COPG2: variants seen among roughly 807,000 people sequenced by gnomAD.
The protein encoded by COPG2 is coat protein complex I subunit gamma 2.
In COPG2, 37 loss-of-function variants were observed where a neutral mutation model predicts 46.3. The observed-to-expected ratio is 0.80, with a 90% CI of 0.61 to 1.05. The LOEUF is 1.05. Among genes scored for constraint, COPG2 ranks in the 50% least tolerant of loss-of-function variants. The pLI is 0.00. For synonymous variants in COPG2, 159 were observed against 129.7 expected (o/e 1.23, Z -1.53); for missense variants, 427 against 387.8 (o/e 1.10, Z -0.85).
In COPG2 at chr7:130,506,896, C is replaced by T. The variant is rs1799503175; in HGVS notation, c.2486-90G>A. On this transcript the variant is annotated intron_variant, in intron 23 of 23. Transcript: ENST00000425248. ...ATCATGCTATCCCTGCATCTCCTTT[C>T]TATTAGTTTAGTTTAGCTTTTCCAG... 5 of 645,584 alleles carry T rather than the reference C, an allele frequency of 7.7e-6. No homozygotes were observed. The South Asian group carries it at 9.7e-5, about 12-fold the overall frequency. 40.0% of individuals were successfully genotyped at this position (645,584 alleles called of 1,614,324 possible).
At chr7:130,668,551 G>C (rs1796150152) in intron 1 of COPG2, 81 bp downstream of exon 1, 1 of 1,363,772 alleles carries the variant, frequency 7.3e-7, no homozygotes, top group Non-Finnish European at 9.8e-7. Flanking sequence ...CCCCAGCCCC[G>C]CCGGCCTGAA....
intron 4 of COPG2, among the ~76,000 whole-genome samples, chr7:130,658,201 C>T (rs290792): frequency 0.013 from 1,956 of 152,048 alleles, 40 homozygotes; most frequent in African/African-American, 0.045. Context: ...TGGAATACGA[C>T]GACAAAATAA....
At chr7:130,601,580 G>A (rs1460505482) in intron 9 of COPG2, among the ~76,000 whole-genome samples, 5 of 151,986 alleles carry the variant, frequency 3.3e-5, no homozygotes, top group East Asian at 1.9e-4. Context: ...ACCAAATACC[G>A]CACATGTTCT....
At chr7:130,588,005 C>T (rs1336384639) in intron 9 of COPG2, among the ~76,000 whole-genome samples, 1 of 152,080 alleles carries the variant, frequency 6.6e-6, no homozygotes, top group Admixed American at 6.5e-5. Context: ...AGACACTTCT[C>T]AAAAGAAGAC....
chr7:130,610,413 A>G, intron 9 of COPG2: 1 of 390,214 alleles, frequency 2.6e-6, no homozygotes. Context: ...TCTTTGTTTT[A>G]GAGCTCAGCC....
At chr7:130,582,113 T>G (rs1794158581) in intron 9 of COPG2, among the ~76,000 whole-genome samples, 2 of 148,826 alleles carry the variant, frequency 1.3e-5, no homozygotes, top group Non-Finnish European at 3.0e-5. Flanking sequence ...AAGGCTACAG[T>G]AACCAAAACA....
Position 130,506,488 on chromosome 7 carries a change from A to G in COPG2, c.*188T>C, listed in dbSNP as rs564333410. On this transcript the variant is annotated 3_prime_UTR_variant, in exon 24 of 24. Transcript: ENST00000425248. ...AGCTGACCAAGTAGAATAAAAAGAA[A>G]AAAAAAAAAAAACAACCCATGCGCA... 5.0e-4 allele frequency: 197 copies of G among 396,804 alleles called. No individual in the cohort carries two copies. The highest frequency in any genetic ancestry group is 4.7e-3 in the Middle Eastern group (7 of 1,488). 24.6% of individuals were successfully genotyped at this position (396,804 alleles called of 1,614,324 possible). A position where few individuals can be genotyped will look rare whatever the true frequency, so the allele number is the denominator to read the frequency against.
chr7:130,523,845 G>A (rs1799749473), intron 20 of COPG2, among the ~76,000 whole-genome samples: 1 of 152,066 alleles, frequency 6.6e-6, no homozygotes, highest in South Asian at 2.1e-4. Context: ...CGGTGCTAAG[G>A]AGGGAGGAGG....
rs529898238 is a variant in COPG2, at chr7:130,632,995, T to C, written c.324-15930A>G. ...CACCTATGAGTGAGAACATGCAGTGTTTGGTTTTCTGTTCCCGTGTTAGTT... is the reference window on the plus strand; with the variant it reads ...CACCTATGAGTGAGAACATGCAGTGCTTGGTTTTCTGTTCCCGTGTTAGTT... On this transcript the variant is annotated intron_variant, in intron 5 of 23. Transcript: ENST00000425248. Among the ~76,000 whole-genome samples the C allele has an allele frequency of 2.2e-4, 33 of 152,230 alleles. No homozygotes were observed. The South Asian group carries it at 6.4e-3, about 30-fold the overall frequency.
chr7:130,584,208 A>T (rs567649116), intron 9 of COPG2, among the ~76,000 whole-genome samples: 1 of 152,126 alleles, frequency 6.6e-6, no homozygotes, highest in South Asian at 2.1e-4. Flanking sequence ...AAAAACAAAA[A>T]TCACATGATC....
chr7:130,655,048 T>C (rs1795823197), intron 4 of COPG2, among the ~76,000 whole-genome samples: 1 of 152,208 alleles, frequency 6.6e-6, no homozygotes. Flanking sequence ...AATGACATCA[T>C]CTGCTCATTC....
At chr7:130,606,590 G>C (rs554943872) in intron 9 of COPG2, among the ~76,000 whole-genome samples, 53 of 152,272 alleles carry the variant, frequency 3.5e-4, no homozygotes, top group East Asian at 1.3e-3. Context: ...CGATGAAGTT[G>C]GATATTTACT....
chr7:130,537,250 A>G (rs1245545784), intron 20 of COPG2, among the ~76,000 whole-genome samples: 1 of 151,600 alleles, frequency 6.6e-6, no homozygotes, highest in East Asian at 1.9e-4. Flanking sequence ...AGGAAGGTTT[A>G]GGGGAGTCAG....
intron 9 of COPG2, among the ~76,000 whole-genome samples, chr7:130,567,295 C>T (rs1192424624): frequency 6.6e-6 from 1 of 152,070 alleles, no homozygotes; most frequent in Non-Finnish European, 1.5e-5. Context: ...CTGGGTGGTA[C>T]CAAGAAGTTT....
At chr7:130,542,008 G>T (rs1270131186) in intron 20 of COPG2, among the ~76,000 whole-genome samples, 8 of 125,400 alleles carry the variant, frequency 6.4e-5, no homozygotes, top group Non-Finnish European at 1.2e-4. Flanking sequence ...TGAGTTTGCA[G>T]CATATGGGAG....
In COPG2 at chr7:130,626,187, T is replaced by C. The variant is rs117948936; in HGVS notation, c.324-9122A>G. Reference sequence around the variant, plus strand: ...ACTACAGTCATCTTGCAGTGCTATATAGTCTATAGATTCTGATATGTAGTT... The same window carrying C: ...ACTACAGTCATCTTGCAGTGCTATACAGTCTATAGATTCTGATATGTAGTT... On this transcript the variant is annotated intron_variant, in intron 5 of 23. Coordinates refer to ENST00000425248, the MANE Select transcript of COPG2 (RefSeq NM_012133.6). Among the ~76,000 whole-genome samples the C allele has an allele frequency of 9.5e-3, 1,442 of 152,266 alleles. 16 individuals are homozygous for C. The highest frequency in any genetic ancestry group is 0.016 in the Non-Finnish European group (1,061 of 68,000).
At chr7:130,589,654 A>G (rs544639258) in intron 9 of COPG2, among the ~76,000 whole-genome samples, 147 of 152,334 alleles carry the variant, frequency 9.6e-4, no homozygotes, top group African/African-American at 3.2e-3. Flanking sequence ...ATTCTCAGCA[A>G]TGTGGTATGA....
intron 5 of COPG2, among the ~76,000 whole-genome samples, chr7:130,621,340 G>A (rs1554453605): frequency 6.6e-6 from 1 of 152,112 alleles, no homozygotes; most frequent in East Asian, 1.9e-4. Flanking sequence ...CTAAGTTTGT[G>A]GTAACTTGTT....
intron 20 of COPG2, among the ~76,000 whole-genome samples, chr7:130,530,728 G>A (rs1230645377): frequency 5.9e-5 from 9 of 152,038 alleles, no homozygotes; most frequent in African/African-American, 1.7e-4. Flanking sequence ...GAAGTGGGAC[G>A]ATGAGGCAGT....
Sources: allele counts gnomAD v4.1 joint callset (sites outside exome capture counted in the v4.1 genomes callset), GRCh38; gene constraint gnomAD v4.1.1; transcripts MANE v1.5; gene names NCBI Gene and HGNC (gene_info 2026-07-23, HGNC 2026-07-21).